Variants in LAMA2 observed in about 807,000 individuals in gnomAD.
The protein encoded by LAMA2 is laminin subunit alpha-2.
In LAMA2, 269 loss-of-function variants were observed where a neutral mutation model predicts 364.8. The ratio of observed to expected loss-of-function variants is 0.74; its 90% CI spans 0.67 to 0.82. LAMA2 has a LOEUF of 0.82. Ranked by LOEUF, LAMA2 falls within the 40% of genes least tolerant of loss-of-function variation. The pLI, the probability that LAMA2 is intolerant of heterozygous loss-of-function variation, is 0.00. For missense variants in LAMA2, 3,807 were observed against 3,873.2 expected, an observed-to-expected ratio of 0.98 and a Z score of 0.45; for synonymous variants, 1,379 against 1,370.6, an observed-to-expected ratio of 1.01 and a Z score of -0.14.
chr6:129,167,042 TAC>T lies in LAMA2; in HGVS notation c.1306+1369_1306+1370del, dbSNP rs1162188444. ...TACTTTTCAATTATTGTAAAAACAA[TAC>T]ATAGTAAAATAAATTCTTAATAGTA... On this transcript the variant is annotated intron_variant, in intron 9 of 64. Transcript: ENST00000421865. Among the ~76,000 whole-genome samples, 4 of 152,270 alleles carry T rather than the reference TAC, an allele frequency of 2.6e-5. No individual in the cohort carries two copies. The East Asian group carries it at 7.7e-4, about 29-fold the overall frequency.
At chr6:128,932,625 A>G (rs1219629696) in intron 1 of LAMA2, among the ~76,000 whole-genome samples, 2 of 152,188 alleles carry the variant, frequency 1.3e-5, no homozygotes, top group Non-Finnish European at 2.9e-5. Flanking sequence ...GCTCTAGGTG[A>G]CCACCTGTAG....
chr6:129,349,392 C>A lies in LAMA2; in HGVS notation c.4523+8C>A. 1 of 1,604,068 alleles carries A rather than the reference C, an allele frequency of 6.2e-7. No homozygotes were observed. Among genetic ancestry groups the A allele is most frequent in the Non-Finnish European group, 8.5e-7 (1 of 1,171,002 alleles). ...AGGCCAGTACTGTGAAAGGTACCAA[C>A]AGCCATGAAACGTACAGAGTAATGA... On this transcript the variant is annotated splice_region_variant and intron_variant, in intron 31 of 64. Coordinates refer to ENST00000421865, the MANE Select transcript of LAMA2 (RefSeq NM_000426.4).
intron 19 of LAMA2, among the ~76,000 whole-genome samples, chr6:129,291,216 A>C (rs1453776374): frequency 6.6e-6 from 1 of 152,182 alleles, no homozygotes; most frequent in Non-Finnish European, 1.5e-5. Flanking sequence ...AAGAACTAAA[A>C]CAGCGTTACA....
rs1554297879 is a variant in LAMA2, at chr6:129,442,208, A to G, written c.6269-855A>G. ...TGAGTGGGGAATGGAGCCTGATTTC[A>G]GCATCCTAGCCTCAAATCAAATCCT... On this transcript the variant is annotated intron_variant, in intron 43 of 64. Coordinates refer to ENST00000421865, the MANE Select transcript of LAMA2 (RefSeq NM_000426.4). The G allele has an allele frequency of 1.5e-6, 2 of 1,320,538 alleles. No homozygotes were observed. The highest frequency in any genetic ancestry group is 2.0e-6 in the Non-Finnish European group (2 of 995,808). 81.8% of individuals were successfully genotyped at this position (1,320,538 alleles called of 1,614,324 possible).
At position 128,883,306 on chromosome 6, in the gene LAMA2, C is replaced by G. The variant is rs886061039; in HGVS notation, c.61C>G (p.Gln21Glu). 3 of 1,594,822 alleles carry G rather than the reference C, an allele frequency of 1.9e-6. No homozygotes were observed. Among genetic ancestry groups the G allele is most frequent in the African/African-American group, 1.3e-5 (1 of 74,796 alleles). Residue 21 changes from glutamine (Q) to glutamate (E), a missense_variant, in exon 1 of 65, where the codon CAG (glutamine) becomes GAG (glutamate). By Grantham distance (29) the Gln-to-Glu change is conservative. Transcript: ENST00000421865. Reference sequence around the variant, plus strand: ...GCTCTCCGGAGGCCTCGGGGGCGTACAGGCGCAGCGGCCGCAGCAGCAGCG... The same window carrying G: ...GCTCTCCGGAGGCCTCGGGGGCGTAGAGGCGCAGCGGCCGCAGCAGCAGCG... ...LLLSGGLGGV[Q>E]AQRPQQQRQS...
intron 4 of LAMA2, among the ~76,000 whole-genome samples, chr6:129,138,729 T>C (rs978858456): frequency 6.6e-6 from 1 of 152,142 alleles, no homozygotes; most frequent in African/African-American, 2.4e-5. Context: ...AGATTATTTT[T>C]CAGTAATTAT....
chr6:129,509,126 T>C (rs566983369), intron 62 of LAMA2, among the ~76,000 whole-genome samples: 1 of 152,228 alleles, frequency 6.6e-6, no homozygotes, highest in Non-Finnish European at 1.5e-5. Context: ...CCTTTTGATA[T>C]ACCTGTTTTT....
intron 1 of LAMA2, among the ~76,000 whole-genome samples, chr6:128,907,129 G>C (rs1777534665): frequency 7.0e-6 from 1 of 142,650 alleles, no homozygotes; most frequent in East Asian, 2.0e-4. Flanking sequence ...GCTCTTTTTT[G>C]GTTCCATATG....
At chr6:129,020,850 G>T (rs909426050) in intron 1 of LAMA2, among the ~76,000 whole-genome samples, 18 of 152,234 alleles carry the variant, frequency 1.2e-4, no homozygotes, top group African/African-American at 4.1e-4. Context: ...GAGAGAACTT[G>T]GTTCTAAGGT....
chr6:129,265,173 C>CA (rs1433662889), intron 15 of LAMA2, among the ~76,000 whole-genome samples: 1 of 152,132 alleles, frequency 6.6e-6, no homozygotes, highest in East Asian at 1.9e-4. Context: ...AAGGACCCCA[C>CA]ATTCCCCACA....
chr6:128,977,399 T>C (rs1031210215), intron 1 of LAMA2, among the ~76,000 whole-genome samples: 3 of 151,706 alleles, frequency 2.0e-5, no homozygotes, highest in African/African-American at 7.3e-5. Context: ...CAGCTGGGAC[T>C]ACAGGCAAGG....
chr6:129,388,958 A>G (rs1318827814), intron 35 of LAMA2, among the ~76,000 whole-genome samples: 1 of 152,102 alleles, frequency 6.6e-6, no homozygotes, highest in Non-Finnish European at 1.5e-5. Context: ...AATCATTGGT[A>G]CTCTGGAAGG....
Position 129,505,213 on chromosome 6 carries a change from G to A in LAMA2, c.8561G>A (p.Arg2854Lys). The change falls in exon 61 of 65, where the codon AGA becomes AAA. Residue 2854 changes from arginine (R) to lysine (K), a missense_variant. This residue lies in a region of LAMA2 where 3,333 missense variants were observed against 3,345.7 expected (regional missense o/e 1.00). Transcript: ENST00000421865. The stretch of plus-strand genomic sequence containing the variant: ...TCTTTTTTGTAGATTAAGATAATGA[G>A]AAGTAAGCAAGAAGGAATTCTTTAT... ...DGQWHKIKIM[R>K]SKQEGILYVD... The A allele has an allele frequency of 6.2e-7, 1 of 1,613,764 alleles. No individual in the cohort carries two copies. Among genetic ancestry groups the A allele is most frequent in the South Asian group, 1.1e-5 (1 of 91,080 alleles).
chr6:129,169,314 T>G (rs1779979858), intron 9 of LAMA2, among the ~76,000 whole-genome samples: 1 of 149,846 alleles, frequency 6.7e-6, no homozygotes, highest in Non-Finnish European at 1.5e-5. Context: ...TAGATAGCTC[T>G]TAATATTTTG....
At chr6:129,478,850 T>G (rs1784214752) in intron 54 of LAMA2, 37 bp downstream of exon 54, 1 of 1,588,274 alleles carries the variant, frequency 6.3e-7, no homozygotes, top group Admixed American at 1.7e-5. Flanking sequence ...AACACATTTA[T>G]ATCAGATTTC....
At chr6:129,094,431 G>GA (rs1250586662) in intron 3 of LAMA2, among the ~76,000 whole-genome samples, 1 of 152,188 alleles carries the variant, frequency 6.6e-6, no homozygotes, top group Non-Finnish European at 1.5e-5. Flanking sequence ...TTGAATTATA[G>GA]AAAGAGTCTG....
chr6:129,025,661 G>A (rs373604680), intron 1 of LAMA2, among the ~76,000 whole-genome samples: 1 of 152,072 alleles, frequency 6.6e-6, no homozygotes, highest in Non-Finnish European at 1.5e-5. Context: ...GATATGATGT[G>A]CAAAATCATG....
intron 56 of LAMA2, 90 bp from the exon 57 acceptor site, chr6:129,491,811 G>A (rs577953130): frequency 9.5e-7 from 1 of 1,055,152 alleles, no homozygotes; most frequent in African/African-American, 1.6e-5. Context: ...CTATGGTTGA[G>A]AGGGGTGAAG....
At chr6:129,014,339 C>T (rs1283799057) in intron 1 of LAMA2, among the ~76,000 whole-genome samples, 1 of 152,068 alleles carries the variant, frequency 6.6e-6, no homozygotes, top group Non-Finnish European at 1.5e-5. Flanking sequence ...TGCATTTGTC[C>T]CCTCTGCGTT....
Sources: gnomAD v4.1 joint callset for allele counts (sites outside exome capture counted in the v4.1 genomes callset) on GRCh38, gnomAD v4.1.1 for gene constraint, gnomAD v4.1.1 regional missense constraint, MANE v1.5 for transcripts, NCBI Gene and HGNC (gene_info 2026-07-23, HGNC 2026-07-21) for gene names.